The following CACNA1A variants were observed in gnomAD, a reference collection of about 807,000 sequenced individuals.
CACNA1A encodes the protein calcium voltage-gated channel subunit alpha1 A, also known as voltage-dependent P/Q-type calcium channel subunit alpha-1A.
Under a neutral mutation model 262.4 loss-of-function variants are expected in CACNA1A, and 57 were observed. The ratio of observed to expected loss-of-function variants is 0.22; its 90% CI spans 0.18 to 0.27. CACNA1A has a LOEUF of 0.27. CACNA1A is among the 10% of genes least tolerant of loss of function. The probability of loss-of-function intolerance (pLI) is 1.00; values close to 1 mark genes in which losing one functional copy is unlikely to be tolerated. For synonymous variants in CACNA1A, 1,431 were observed against 1,419.3 expected, an observed-to-expected ratio of 1.01 and a Z score of -0.18; for missense variants, 2,526 against 3,562.8, an observed-to-expected ratio of 0.71 and a Z score of 7.41.
intron 10 of CACNA1A, among the ~76,000 whole-genome samples, chr19:13,319,389 TGCTCATCCATTCATCCATCCATTC>T (rs1380721409): frequency 2.6e-5 from 4 of 152,338 alleles, no homozygotes; most frequent in East Asian, 3.9e-4. Context: ...ATCATTCATT[TGCTCATCCATTCATCCATCCATTC>T]GCTCATCCAT....
chr19:13,398,221 C>A (rs1379485072), intron 3 of CACNA1A, among the ~76,000 whole-genome samples: 2 of 151,174 alleles, frequency 1.3e-5, no homozygotes, highest in Non-Finnish European at 2.9e-5. Context: ...GAGACTGGGC[C>A]ATTGCACTCA....
chr19:13,222,091 G>C (rs2055253624), intron 38 of CACNA1A, among the ~76,000 whole-genome samples: 1 of 151,970 alleles, frequency 6.6e-6, no homozygotes, highest in South Asian at 2.1e-4. Context: ...ATTTTTAGTA[G>C]AGACAGGGTT....
At chr19:13,354,800 T>C (rs1305522615) in intron 6 of CACNA1A, among the ~76,000 whole-genome samples, 1 of 151,722 alleles carries the variant, frequency 6.6e-6, no homozygotes, top group African/African-American at 2.4e-5. Context: ...TCTGATCCAA[T>C]ACAACTGATG....
intron 3 of CACNA1A, among the ~76,000 whole-genome samples, chr19:13,425,371 G>A (rs1469004493): frequency 6.6e-6 from 1 of 152,106 alleles, no homozygotes; most frequent in Non-Finnish European, 1.5e-5. Flanking sequence ...GGCCTCCTAG[G>A]GAGCAGGGGT....
In CACNA1A at chr19:13,209,516, C is replaced by A; in HGVS notation, c.6340-18G>T. 7.7e-7 allele frequency: 1 copy of A among 1,291,496 alleles called. No homozygotes were observed. Among genetic ancestry groups the A allele is most frequent in the African/African-American group, 1.5e-5 (1 of 65,456 alleles). The allele number at this position is 1,291,496 out of a possible 1,614,324, so 80.0% of individuals were successfully genotyped here. A position where few individuals can be genotyped will look rare whatever the true frequency, so the allele number is the denominator to read the frequency against. On this transcript the variant is annotated intron_variant, in intron 44 of 46. Transcript: ENST00000360228. ...GAGATGGTCTGGGGGAGGGGACAGG[C>A]CGGTGGGCTGGGGTCAGCAGCTAGC...
chr19:13,255,065 T>C (rs748477549), intron 29 of CACNA1A, 30 bp downstream of exon 29: 2 of 1,610,184 alleles, frequency 1.2e-6, no homozygotes, highest in East Asian at 2.2e-5. Context: ...GGGGGTTAAG[T>C]AGTGCTGGGG....
chr19:13,317,254 C>G lies in CACNA1A; in HGVS notation c.1413G>C (p.Lys471Asn), dbSNP rs369920914. 1 of 1,613,068 alleles carries G rather than the reference C, an allele frequency of 6.2e-7. No individual in the cohort carries two copies. The highest frequency in any genetic ancestry group is 1.3e-5 in the African/African-American group (1 of 74,896). Residue 471 changes from lysine (K) to asparagine (N), a missense_variant, in exon 11 of 47, where the codon AAG becomes AAC. Around this residue, in one of 17 missense-constraint regions of CACNA1A, gnomAD observed 104 missense variants for 127.6 expected, o/e 0.81. Coordinates refer to ENST00000360228, the MANE Select transcript of CACNA1A (RefSeq NM_001127222.2). ...GGATGTAGAAACGCATCCTCCTCTCCTTTTTGTGAAAAAAGGTCGAGTTCT... is the reference window on the plus strand; with the variant it reads ...GGATGTAGAAACGCATCCTCCTCTCGTTTTTGTGAAAAAAGGTCGAGTTCT... ...KLENSTFFHK[K>N]ERRMRFYIRR...
chr19:13,231,763 T>C lies in CACNA1A; in HGVS notation c.5347A>G (p.Asn1783Asp). The change falls in exon 35 of 47, where the codon AAT (asparagine) becomes GAT (aspartate). Residue 1783 changes from asparagine (N) to aspartate (D), a missense_variant. This residue lies in a region of CACNA1A where 39 missense variants were observed against 124.9 expected (regional missense o/e 0.31). Transcript: ENST00000360228. ...NSGILTRECG[N>D]EFAYFYFVSF... is the part of the protein sequence containing the mutation. ...ACAAAGTAAAAATAAGCAAATTCAT[T>C]GCCACACTCTCGAGTCAGGATGCCA... is the stretch of plus-strand genomic sequence containing the variant. 1 of 1,613,842 alleles carries C rather than the reference T, an allele frequency of 6.2e-7. No homozygotes were observed. The highest frequency in any genetic ancestry group is 8.5e-7 in the Non-Finnish European group (1 of 1,179,816).
intron 1 of CACNA1A, among the ~76,000 whole-genome samples, chr19:13,471,257 C>A (rs1276475855): frequency 6.6e-6 from 1 of 152,198 alleles, no homozygotes; most frequent in Non-Finnish European, 1.5e-5. Flanking sequence ...TCTGAAGTTC[C>A]AAATGCATCT....
intron 3 of CACNA1A, among the ~76,000 whole-genome samples, chr19:13,393,795 T>C (rs1321115981): frequency 1.1e-3 from 83 of 78,886 alleles, no homozygotes; most frequent in East Asian, 4.4e-3. Flanking sequence ...CCTTCCTTCC[T>C]TCCCTCCCTC....
chr19:13,498,294 C>T (rs139131693), intron 1 of CACNA1A, among the ~76,000 whole-genome samples: 9 of 152,204 alleles, frequency 5.9e-5, no homozygotes, highest in Admixed American at 1.3e-4. Flanking sequence ...ATCCAGACTT[C>T]GCCCTCCTGC....
At chr19:13,489,066 C>A (rs1980433033) in intron 1 of CACNA1A, among the ~76,000 whole-genome samples, 1 of 123,508 alleles carries the variant, frequency 8.1e-6, no homozygotes, top group South Asian at 2.6e-4. Flanking sequence ...GGCTGGAGTG[C>A]AGTGGTGCAA....
intron 1 of CACNA1A, among the ~76,000 whole-genome samples, chr19:13,495,505 C>T (rs1419063380): frequency 6.6e-6 from 1 of 152,104 alleles, no homozygotes; most frequent in African/African-American, 2.4e-5. Context: ...ACCCTGTTAG[C>T]CAGGATGGTC....
intron 1 of CACNA1A, among the ~76,000 whole-genome samples, chr19:13,463,145 TAAA>T (rs112868135): frequency 5.6e-5 from 8 of 141,666 alleles, no homozygotes; most frequent in African/African-American, 2.1e-4. Flanking sequence ...TGCCTTTATT[TAAA>T]AAAAAAAAAA....
intron 6 of CACNA1A, among the ~76,000 whole-genome samples, chr19:13,345,494 T>A (rs994192902): frequency 6.6e-6 from 1 of 152,186 alleles, no homozygotes. Context: ...GCTCCATAAA[T>A]ACTCATCAAA....
chr19:13,333,040 C>A, intron 8 of CACNA1A, 115 bp from the exon 9 acceptor site: 1 of 731,414 alleles, frequency 1.4e-6, no homozygotes, highest in South Asian at 1.7e-5. Flanking sequence ...ATGGTGACAG[C>A]TCAACCGACC....
intron 31 of CACNA1A, among the ~76,000 whole-genome samples, chr19:13,242,908 C>T (rs11085838): frequency 0.16 from 23,718 of 152,130 alleles, 2,552 homozygotes; most frequent in East Asian, 0.61. Context: ...TTGGCTACTG[C>T]AAGGGTCCTG....
At chr19:13,418,399 A>G (rs898593284) in intron 3 of CACNA1A, among the ~76,000 whole-genome samples, 1 of 152,194 alleles carries the variant, frequency 6.6e-6, no homozygotes, top group African/African-American at 2.4e-5. Context: ...TGGGTTGAAC[A>G]GTGAACCCTC....
At chr19:13,355,048 G>A (rs568508370) in intron 6 of CACNA1A, among the ~76,000 whole-genome samples, 68 of 152,054 alleles carry the variant, frequency 4.5e-4, no homozygotes, top group African/African-American at 1.6e-3. Context: ...GCTAATTTTT[G>A]TATCTTTAGT....
Sources: gnomAD v4.1 joint callset for allele counts (sites outside exome capture counted in the v4.1 genomes callset) on GRCh38, gnomAD v4.1.1 for gene constraint, gnomAD v4.1.1 regional missense constraint, MANE v1.5 for transcripts, NCBI Gene and HGNC (gene_info 2026-07-23, HGNC 2026-07-21) for gene names.